Variants in PAX5 observed in about 807,000 individuals in gnomAD.
PAX5 encodes paired box 5.
Under a neutral mutation model 43.7 loss-of-function variants are expected in PAX5, and 9 were observed. The observed-to-expected ratio is 0.21, with a 90% CI of 0.12 to 0.36. The LOEUF (loss-of-function observed/expected upper bound fraction) is 0.36. Among genes scored for constraint, PAX5 ranks in the 10% least tolerant of loss-of-function variants. PAX5 has a pLI of 1.00. For missense variants in PAX5, 383 were observed against 532.7 expected (o/e 0.72, Z 2.77); for synonymous variants, 228 against 214.3 (o/e 1.06, Z -0.56).
At chr9:36,843,291 T>C (rs1822254544) in intron 9 of PAX5, among the ~76,000 whole-genome samples, 1 of 152,174 alleles carries the variant, frequency 6.6e-6, no homozygotes, top group South Asian at 2.1e-4. Context: ...TGGGGTATTC[T>C]CTCAGGCCAC....
rs1208167010 is a variant in PAX5, at chr9:36,836,650, CA to C, written c.*3909del. On this transcript the variant is annotated 3_prime_UTR_variant, in exon 10 of 10. Transcript: ENST00000358127. ...TACACCACCCCGTTCACCCAGGAAG[CA>C]GTTCATTCAGGGGACTTGAGATTGT... 4.3e-6 allele frequency: 1 copy of C among 232,898 alleles called. No homozygotes were observed. Among genetic ancestry groups the C allele is most frequent in the Non-Finnish European group, 8.5e-6 (1 of 117,850 alleles). The allele number at this position is 232,898 out of a possible 1,614,324, so 14.4% of individuals were successfully genotyped here.
intron 1 of PAX5, among the ~76,000 whole-genome samples, chr9:37,030,789 G>A (rs1840908262): frequency 6.6e-6 from 1 of 152,214 alleles, no homozygotes; most frequent in Non-Finnish European, 1.5e-5. Context: ...CGTGGCTTCA[G>A]GATGTGGGGG....
intron 8 of PAX5, among the ~76,000 whole-genome samples, chr9:36,877,815 A>G (rs1413450504): frequency 6.6e-6 from 1 of 152,190 alleles, no homozygotes; most frequent in African/African-American, 2.4e-5. Context: ...CTCCCCGTGA[A>G]AGGAAAAAAG....
chr9:36,962,387 T>C (rs964297982), intron 6 of PAX5, among the ~76,000 whole-genome samples: 2 of 152,088 alleles, frequency 1.3e-5, no homozygotes, highest in African/African-American at 2.4e-5. Context: ...GGTTCAACAA[T>C]CTTGGAAACT....
At chr9:36,976,506 C>T (rs1482948432) in intron 5 of PAX5, among the ~76,000 whole-genome samples, 2 of 152,118 alleles carry the variant, frequency 1.3e-5, no homozygotes, top group East Asian at 1.9e-4. Flanking sequence ...GAGCCAGGCC[C>T]CATGCTAGGG....
intron 6 of PAX5, among the ~76,000 whole-genome samples, chr9:36,940,168 G>GTC (rs998065939): frequency 2.6e-5 from 4 of 152,050 alleles, no homozygotes; most frequent in African/African-American, 9.7e-5. Flanking sequence ...AATTGCGTTG[G>GTC]TCTCTCTCTC....
chr9:36,958,161 G>A (rs10973141), intron 6 of PAX5, among the ~76,000 whole-genome samples: 1,863 of 152,232 alleles, frequency 0.012, 37 homozygotes, highest in African/African-American at 0.042. Context: ...GCATGTGGGC[G>A]TCATACTCAT....
At chr9:36,855,489 T>C (rs4326462) in intron 8 of PAX5, among the ~76,000 whole-genome samples, 72,981 of 151,888 alleles carry the variant, frequency 0.48, 17,719 homozygotes, top group East Asian at 0.58. Flanking sequence ...AAGCAAACAA[T>C]GGGCATGTAC....
At chr9:36,936,841 C>T (rs1013090172) in intron 6 of PAX5, among the ~76,000 whole-genome samples, 1 of 66,124 alleles carries the variant, frequency 1.5e-5, no homozygotes, top group Non-Finnish European at 3.8e-5. Context: ...CACACACACA[C>T]ACACACATGC....
chr9:36,983,843 C>G (rs1476451921), intron 5 of PAX5, among the ~76,000 whole-genome samples: 1 of 152,108 alleles, frequency 6.6e-6, no homozygotes, highest in East Asian at 1.9e-4. Context: ...CAAGACTATC[C>G]CATATTAGGG....
chr9:36,940,969 C>T (rs982433632), intron 6 of PAX5, among the ~76,000 whole-genome samples: 4 of 152,158 alleles, frequency 2.6e-5, no homozygotes, highest in Admixed American at 6.5e-5. Flanking sequence ...GACAGAGGCC[C>T]AGGCACAAGG....
intron 8 of PAX5, among the ~76,000 whole-genome samples, chr9:36,861,536 T>A (rs1210636306): frequency 6.7e-6 from 1 of 149,700 alleles, no homozygotes; most frequent in Non-Finnish European, 1.5e-5. Flanking sequence ...TTAGATGGAG[T>A]GACCGGGGAT....
intron 1 of PAX5, among the ~76,000 whole-genome samples, chr9:37,032,479 T>TA (rs1841079213): frequency 6.6e-6 from 1 of 152,146 alleles, no homozygotes; most frequent in Admixed American, 6.5e-5. Flanking sequence ...AGTTTCCAGG[T>TA]AACTTTTCCT....
At position 36,836,599 on chromosome 9, in the gene PAX5, C is replaced by G. The variant is rs1318177049; in HGVS notation, c.*3961G>C. On this transcript the variant is annotated 3_prime_UTR_variant, in exon 10 of 10. Coordinates refer to ENST00000358127, the MANE Select transcript of PAX5 (RefSeq NM_016734.3). ...CTCGGGCACTGCTGCACCGTACTGTCTGGTGCGCTGCCCGAGTGGCAAGGC... is the reference window on the plus strand; with the variant it reads ...CTCGGGCACTGCTGCACCGTACTGTGTGGTGCGCTGCCCGAGTGGCAAGGC... The G allele has an allele frequency of 8.6e-6, 2 of 232,896 alleles. No individual in the cohort carries two copies. Among genetic ancestry groups the G allele is most frequent in the Non-Finnish European group, 1.7e-5 (2 of 117,866 alleles). 14.4% of individuals were successfully genotyped at this position (232,896 alleles called of 1,614,324 possible). A position where few individuals can be genotyped will look rare whatever the true frequency, so the allele number is the denominator to read the frequency against.
At chr9:36,867,807 C>T (rs964691430) in intron 8 of PAX5, among the ~76,000 whole-genome samples, 1 of 152,104 alleles carries the variant, frequency 6.6e-6, no homozygotes, top group Non-Finnish European at 1.5e-5. Context: ...TATTTGTGCC[C>T]GTTGCACATA....
Position 36,857,766 on chromosome 9 carries a change from G to A in PAX5, c.1013-10837C>T, listed in dbSNP as rs186058425. ...AGAGGCCAGTAAGCAGGACGCACAC[G>A]GTGCTGACATGGAATGGGCCACAAA... On this transcript the variant is annotated intron_variant, in intron 8 of 9. Transcript: ENST00000358127. Among the ~76,000 whole-genome samples the A allele has an allele frequency of 1.5e-3, 223 of 152,314 alleles. 1 individual carries two copies. The highest frequency in any genetic ancestry group is 0.011 in the Admixed American group (171 of 15,304).
At chr9:37,004,369 C>T (rs2132411059) in intron 4 of PAX5, among the ~76,000 whole-genome samples, 1 of 152,362 alleles carries the variant, frequency 6.6e-6, no homozygotes, top group East Asian at 1.9e-4. Flanking sequence ...TCATTAAAAC[C>T]TACAGACCAA....
intron 8 of PAX5, among the ~76,000 whole-genome samples, chr9:36,869,368 CATATGTTTCTCTCTCAACA>C (rs1357441577): frequency 6.6e-6 from 1 of 152,258 alleles, no homozygotes; most frequent in African/African-American, 2.4e-5. Context: ...CACTGGCTAA[CATATGTTTCTCTCTCAACA>C]ATAAACCTGA....
chr9:36,962,181 G>A (rs1322948360), intron 6 of PAX5, among the ~76,000 whole-genome samples: 1 of 151,648 alleles, frequency 6.6e-6, no homozygotes, highest in African/African-American at 2.4e-5. Flanking sequence ...GAGGATCCGG[G>A]AGGATGTGGC....
Sources: allele counts gnomAD v4.1 joint callset (sites outside exome capture counted in the v4.1 genomes callset), GRCh38; gene constraint gnomAD v4.1.1; transcripts MANE v1.5; gene names NCBI Gene and HGNC (gene_info 2026-07-23, HGNC 2026-07-21).